XRRA1: variants seen among roughly 807,000 people sequenced by gnomAD.
The protein encoded by XRRA1 is X-ray radiation resistance-associated protein 1.
XRRA1 carries 69 observed loss-of-function variants against 80.2 expected under a neutral mutation model. The ratio of observed to expected loss-of-function variants is 0.86; its 90% confidence interval spans 0.71 to 1.05. The LOEUF (loss-of-function observed/expected upper bound fraction) is 1.05. Among genes scored for constraint, XRRA1 ranks in the 50% least tolerant of loss-of-function variants. The probability of loss-of-function intolerance (pLI) is 0.00; values close to 1 mark genes in which losing one functional copy is unlikely to be tolerated. For missense variants in XRRA1, 967 were observed against 976.4 expected (o/e 0.99, Z 0.13); for synonymous variants, 348 against 389.9 (o/e 0.89, Z 1.27).
At chr11:74,872,231 C>T (rs895709141) in intron 10 of XRRA1, among the ~76,000 whole-genome samples, 16 of 152,210 alleles carry the variant, frequency 1.1e-4, no homozygotes, top group African/African-American at 3.9e-4. Context: ...ATCCTGCAGC[C>T]TTTATGGAAA....
chr11:74,946,649 C>T (rs764231095), intron 1 of XRRA1, among the ~76,000 whole-genome samples: 1 of 152,190 alleles, frequency 6.6e-6, no homozygotes, highest in Non-Finnish European at 1.5e-5. Context: ...AGGCACTATA[C>T]CACACTGTAT....
intron 8 of XRRA1, among the ~76,000 whole-genome samples, chr11:74,908,368 A>C (rs1392755181): frequency 6.6e-6 from 1 of 152,144 alleles, no homozygotes; most frequent in African/African-American, 2.4e-5. Flanking sequence ...CCACTGCCAA[A>C]TCACACCTTT....
intron 10 of XRRA1, among the ~76,000 whole-genome samples, chr11:74,896,065 G>T (rs1427266606): frequency 6.6e-6 from 1 of 152,226 alleles, no homozygotes; most frequent in Non-Finnish European, 1.5e-5. Flanking sequence ...GAGATGTCCT[G>T]GCTTCAGGGG....
At chr11:74,859,716 G>C (rs2041924965) in intron 11 of XRRA1, among the ~76,000 whole-genome samples, 2 of 152,044 alleles carry the variant, frequency 1.3e-5, no homozygotes, top group South Asian at 4.1e-4. Flanking sequence ...AGGGAGGAGA[G>C]GGAGAGGGAG....
At chr11:74,903,439 C>T (rs532895310) in intron 10 of XRRA1, among the ~76,000 whole-genome samples, 4 of 152,356 alleles carry the variant, frequency 2.6e-5, no homozygotes, top group African/African-American at 9.6e-5. Context: ...CGCGGTGGCT[C>T]ACGCCTGTAA....
intron 10 of XRRA1, among the ~76,000 whole-genome samples, chr11:74,903,857 T>C (rs993325230): frequency 6.6e-6 from 1 of 152,088 alleles, no homozygotes; most frequent in African/African-American, 2.4e-5. Flanking sequence ...CAAAATAATA[T>C]ATATTTTACA....
intron 5 of XRRA1, among the ~76,000 whole-genome samples, chr11:74,931,170 T>G (rs1267277153): frequency 1.3e-5 from 2 of 151,910 alleles, no homozygotes; most frequent in East Asian, 3.9e-4. Flanking sequence ...TATATAATGC[T>G]AGATACAGGT....
At chr11:74,892,227 A>G (rs186299480) in intron 10 of XRRA1, among the ~76,000 whole-genome samples, 1,762 of 152,288 alleles carry the variant, frequency 0.012, 48 homozygotes, top group African/African-American at 0.04. Context: ...ATGGAACAGA[A>G]CAGAGCCCTC....
chr11:74,878,600 T>G (rs1243180892), intron 10 of XRRA1, among the ~76,000 whole-genome samples: 1 of 151,154 alleles, frequency 6.6e-6, no homozygotes, highest in East Asian at 1.9e-4. Context: ...GTTTTAGGTC[T>G]AACGTTTAAG....
chr11:74,936,360 G>C (rs1041992591), intron 4 of XRRA1, among the ~76,000 whole-genome samples: 20 of 152,190 alleles, frequency 1.3e-4, no homozygotes, highest in African/African-American at 4.1e-4. Context: ...AAGGCTGTGG[G>C]AGAGCAGGAC....
chr11:74,941,383 G>C (rs1565458462), intron 2 of XRRA1, among the ~76,000 whole-genome samples: 1 of 152,190 alleles, frequency 6.6e-6, no homozygotes, highest in East Asian at 1.9e-4. Context: ...CAAATAATGA[G>C]ACTTGAACTG....
Position 74,848,409 on chromosome 11 carries a change from C to T in XRRA1, c.1434G>A (p.Pro478=), listed in dbSNP as rs369105706. 23 of 1,613,604 alleles carry T rather than the reference C, an allele frequency of 1.4e-5. 3 individuals carry two copies. Among genetic ancestry groups the T allele is most frequent in the Middle Eastern group, 3.3e-4 (2 of 6,084 alleles). The stretch of plus-strand genomic sequence containing the variant: ...AGGGAGACTTGGTTGTCGTCATGCG[C>T]GGGTGATGGAGCACCAGAGGCTGCT... ...VPKQPLVLHH[P]RMTTTKSPSK... is the part of the protein sequence containing the mutation. The change falls in exon 15 of 19, where the codon CCG becomes CCA. Residue 478 remains proline, a synonymous_variant. Transcript: ENST00000684022.
Position 74,851,110 on chromosome 11 carries a change from A to G in XRRA1, c.1358T>C (p.Met453Thr). The part of the protein sequence containing the change: ...KIVKPKHHVL[M>T]SRKESWKVKS... ...TACCTTCCATGATTCCTTCCGAGAC[A>G]TCAAAACATGATGCTTAGGCTTTAC... Residue 453 changes from methionine (M) to threonine (T), a missense_variant, in exon 14 of 19, where the codon ATG becomes ACG. Transcript: ENST00000684022. 1.9e-6 allele frequency: 3 copies of G among 1,612,112 alleles called. 1 individual carries two copies. In the South Asian group the frequency reaches 3.3e-5, roughly 18 times the overall value.
chr11:74,890,465 G>C (rs554331264), intron 10 of XRRA1, among the ~76,000 whole-genome samples: 1,553 of 152,244 alleles, frequency 0.01, 30 homozygotes, highest in African/African-American at 0.033. Context: ...ATCTAAAATT[G>C]ACACCCTAAC....
At position 74,843,462 on chromosome 11, in the gene XRRA1, AAAG is replaced by A. The variant is rs1565204373; in HGVS notation, c.2150-12_2150-10del. 1.2e-6 allele frequency: 2 copies of A among 1,609,320 alleles called. No homozygotes were observed. The highest frequency in any genetic ancestry group is 2.2e-5 in the South Asian group (2 of 89,906). On this transcript the variant is annotated splice_polypyrimidine_tract_variant and intron_variant, in intron 18 of 18. Coordinates refer to ENST00000684022, the MANE Select transcript of XRRA1 (RefSeq NM_001378157.1). Reference sequence around the variant, plus strand: ...CTGGTGCAGGACAGCACCTGCAGGAAAAGAAGCCAGGAGAGGCACCAAGCTCAT... The same window carrying A: ...CTGGTGCAGGACAGCACCTGCAGGAAAAGCCAGGAGAGGCACCAAGCTCAT...
intron 8 of XRRA1, among the ~76,000 whole-genome samples, chr11:74,910,263 A>G (rs1040335989): frequency 6.6e-6 from 1 of 152,200 alleles, no homozygotes; most frequent in African/African-American, 2.4e-5. Context: ...TGTGGCTACT[A>G]AAAAGCTAGT....
intron 11 of XRRA1, among the ~76,000 whole-genome samples, chr11:74,859,927 C>G (rs536321462): frequency 6.6e-6 from 1 of 151,960 alleles, no homozygotes; most frequent in Non-Finnish European, 1.5e-5. Context: ...CATATTTGAT[C>G]AAGCAGAAAA....
intron 10 of XRRA1, among the ~76,000 whole-genome samples, chr11:74,893,337 A>G (rs1255471807): frequency 1.4e-5 from 2 of 144,498 alleles, no homozygotes; most frequent in Admixed American, 1.4e-4. Context: ...GTTCTCACTC[A>G]TAGGTGGGAA....
At chr11:74,872,465 C>T (rs376942895) in intron 10 of XRRA1, among the ~76,000 whole-genome samples, 41 of 152,224 alleles carry the variant, frequency 2.7e-4, no homozygotes, top group African/African-American at 5.8e-4. Context: ...AGAGAGGAAA[C>T]GCGAGAGAAG....
Sources: allele counts gnomAD v4.1 joint callset (sites outside exome capture counted in the v4.1 genomes callset), GRCh38; gene constraint gnomAD v4.1.1; transcripts MANE v1.5; gene names NCBI Gene and HGNC (gene_info 2026-07-23, HGNC 2026-07-21).